The following KIAA1549 variants were observed in gnomAD, a reference collection of about 807,000 sequenced individuals.
KIAA1549 encodes UPF0606 protein KIAA1549.
A neutral mutation model predicts 156.4 loss-of-function variants in KIAA1549; 70 were observed. The ratio of observed to expected loss-of-function variants is 0.45; its 90% CI spans 0.37 to 0.55. The LOEUF (loss-of-function observed/expected upper bound fraction) is 0.55, where lower values mean the gene tolerates loss of function less well. KIAA1549 is among the 20% of genes least tolerant of loss of function. The pLI is 0.00. For missense variants in KIAA1549, 2,428 were observed against 2,540.9 expected (o/e 0.96, Z 0.96); for synonymous variants, 1,103 against 1,066.4 (o/e 1.03, Z -0.67).
intron 18 of KIAA1549, among the ~76,000 whole-genome samples, chr7:138,841,361 C>T (rs1584694707): frequency 6.6e-6 from 1 of 152,132 alleles, no homozygotes; most frequent in Admixed American, 6.5e-5. Flanking sequence ...TAAAACCACT[C>T]CCCCAGCCTC....
intron 12 of KIAA1549, among the ~76,000 whole-genome samples, chr7:138,874,126 A>C (rs1386452109): frequency 2.7e-5 from 4 of 149,484 alleles, no homozygotes; most frequent in African/African-American, 7.3e-5. Flanking sequence ...ATTGTTTGCT[A>C]TGCATTGCAC....
chr7:138,832,191 C>CT lies in KIAA1549; in HGVS notation c.*5714dup, dbSNP rs749938588. The CT allele has an allele frequency of 0.026, 3,715 of 143,494 alleles. 66 individuals are homozygous for CT. Among genetic ancestry groups the CT allele is most frequent in the Middle Eastern group, 0.05 (19 of 380 alleles). The allele number at this position is 143,494 out of a possible 1,614,324, so 8.9% of individuals were successfully genotyped here. A position where few individuals can be genotyped will look rare whatever the true frequency, so the allele number is the denominator to read the frequency against. On this transcript the variant is annotated 3_prime_UTR_variant, in exon 20 of 20. Coordinates refer to ENST00000422774, the MANE Select transcript of KIAA1549 (RefSeq NM_001164665.2). ...TCACCTCTGTCCCTTTTACCTATTC[C>CT]TTTTTTTTTTTTTTTTTTTTCCAGA... is the stretch of plus-strand genomic sequence containing the variant.
chr7:138,842,601 G>A (rs1490658937), intron 18 of KIAA1549, among the ~76,000 whole-genome samples: 1 of 151,714 alleles, frequency 6.6e-6, no homozygotes, highest in Admixed American at 6.6e-5. Context: ...GTTGAGGCAG[G>A]AGAATCGCTT....
Position 138,918,585 on chromosome 7 carries a change from T to C in KIAA1549, c.1041A>G (p.Ala347=), listed in dbSNP as rs766489779. The C allele has an allele frequency of 1.9e-6, 3 of 1,613,926 alleles. No homozygotes were observed. Among genetic ancestry groups the C allele is most frequent in the East Asian group, 2.2e-5 (1 of 44,898 alleles). Reference sequence around the variant, plus strand: ...TGCTGAATGCAAGGGCTGCGTGCGATGCAGTCACAGTGGGGTATGTTCTTG... The same window carrying C: ...TGCTGAATGCAAGGGCTGCGTGCGACGCAGTCACAGTGGGGTATGTTCTTG... ...ISPRTYPTVT[A]SHAALAFSRT... Residue 347 remains alanine, a synonymous_variant, in exon 2 of 20, where the codon GCA becomes GCG. Coordinates refer to ENST00000422774, the MANE Select transcript of KIAA1549 (RefSeq NM_001164665.2). This position sits in a 1 kb window ranked among gnomAD's most constrained non-coding sequence, Gnocchi z 4.2.
rs537079163 is a variant in KIAA1549, at chr7:138,852,845, G to A, written c.5248-576C>T. 3.1e-4 allele frequency among the ~76,000 whole-genome samples: 47 copies of A among 152,348 alleles called. 2 individuals are homozygous for A. The South Asian group carries it at 6.2e-3, about 20-fold the overall frequency. ...AAGGCAGCACGTTCTGTTTCTGACC[G>A]TTTACTGGTCCCCAGGAGACCCGGC... On this transcript the variant is annotated intron_variant, in intron 16 of 19. Coordinates refer to ENST00000422774, the MANE Select transcript of KIAA1549 (RefSeq NM_001164665.2).
At chr7:138,899,574 C>T (rs1811783696) in intron 8 of KIAA1549, among the ~76,000 whole-genome samples, 1 of 152,186 alleles carries the variant, frequency 6.6e-6, no homozygotes, top group African/African-American at 2.4e-5. Flanking sequence ...GGTATTTCCT[C>T]CTCATTCTGC....
At chr7:138,859,488 T>C (rs778916581) in intron 16 of KIAA1549, among the ~76,000 whole-genome samples, 1 of 152,154 alleles carries the variant, frequency 6.6e-6, no homozygotes, top group Non-Finnish European at 1.5e-5. Flanking sequence ...TGATCAGTAC[T>C]CAAACAAAGA....
intron 6 of KIAA1549, among the ~76,000 whole-genome samples, chr7:138,906,521 T>C (rs1667650227): frequency 6.6e-6 from 1 of 152,158 alleles, no homozygotes; most frequent in Admixed American, 6.5e-5. Context: ...AAAACTCAAG[T>C]CTTTTACTAT....
intron 10 of KIAA1549, among the ~76,000 whole-genome samples, chr7:138,882,851 G>A (rs192987853): frequency 1.4e-4 from 21 of 151,882 alleles, no homozygotes; most frequent in African/African-American, 3.1e-4. Context: ...CCTCTCCAGG[G>A]ATACAAGCAT....
At chr7:138,877,928 C>T (rs770755043) in intron 12 of KIAA1549, among the ~76,000 whole-genome samples, 4 of 152,132 alleles carry the variant, frequency 2.6e-5, no homozygotes, top group Non-Finnish European at 4.4e-5. Context: ...TAAATGCAGG[C>T]ACTGAAAGTA....
rs1352617123 is a variant in KIAA1549, at chr7:138,918,905, C to G, written c.721G>C (p.Gly241Arg). ...TFRSAFRTSE[G>R]IVPTPGRNLV... is the part of the protein sequence containing the mutation. ...TTCCTGCCAGGAGTTGGAACGATGCCCTCAGAGGTGCGAAAAGCTGACCGA... is the reference window on the plus strand; with the variant it reads ...TTCCTGCCAGGAGTTGGAACGATGCGCTCAGAGGTGCGAAAAGCTGACCGA... The change falls in exon 2 of 20, where the codon GGC becomes CGC. Residue 241 changes from glycine to arginine, a missense_variant. Physicochemically the swap from Gly to Arg is moderately radical, Grantham distance 125. Transcript: ENST00000422774. This position sits in a 1 kb window ranked among gnomAD's most constrained non-coding sequence, Gnocchi z 4.2. The G allele has an allele frequency of 1.2e-6, 2 of 1,613,960 alleles. No homozygotes were observed. The highest frequency in any genetic ancestry group is 1.7e-6 in the Non-Finnish European group (2 of 1,179,896).
At chr7:138,880,885 G>A (rs1267368330) in intron 11 of KIAA1549, among the ~76,000 whole-genome samples, 2 of 152,210 alleles carry the variant, frequency 1.3e-5, no homozygotes, top group African/African-American at 4.8e-5. Flanking sequence ...ACATACATAA[G>A]CAGCCAGAGA....
In KIAA1549 at chr7:138,867,546, C is replaced by A. The variant is rs576680477; in HGVS notation, c.4929+429G>T. ...CTCCAGCCTGGGCAACAGAGTAAGA[C>A]CCTGTCCCAAAAAAAAAAAATAATA... On this transcript the variant is annotated intron_variant, in intron 15 of 19. Coordinates refer to ENST00000422774, the MANE Select transcript of KIAA1549 (RefSeq NM_001164665.2). 5.9e-5 allele frequency among the ~76,000 whole-genome samples: 8 copies of A among 136,236 alleles called. No individual in the cohort carries two copies. In the East Asian group the frequency reaches 1.6e-3, roughly 28 times the overall value. The allele number at this position is 136,236 out of a possible 152,430, so 89.4% of individuals were successfully genotyped here. A position where few individuals can be genotyped will look rare whatever the true frequency, so the allele number is the denominator to read the frequency against.
At chr7:138,847,212 T>C (rs1810103670) in intron 17 of KIAA1549, among the ~76,000 whole-genome samples, 3 of 152,200 alleles carry the variant, frequency 2.0e-5, no homozygotes, top group Admixed American at 2.0e-4. Context: ...AGTGGGTGAT[T>C]ATACAATTTA....
rs146930653 is a variant in KIAA1549 at position 138,879,626 on chromosome 7, C to G, written c.4257G>C (p.Thr1419=). Residue 1419 remains threonine (T), a synonymous_variant, in exon 12 of 20, where the codon ACG becomes ACC. Coordinates refer to ENST00000422774, the MANE Select transcript of KIAA1549 (RefSeq NM_001164665.2). The stretch of plus-strand genomic sequence containing the variant: ...CCCTCTCGCTGGACTCTTCACTGAC[C>G]GTAGAGTCAGCATCTGAGGGAGAAA... ...GRVSPSDADS[T]VSEESSERDA... is the part of the protein sequence containing the mutation. The G allele has an allele frequency of 3.1e-4, 490 of 1,556,224 alleles. 2 individuals are homozygous for G. In the African/African-American group the frequency reaches 5.8e-3, roughly 19 times the overall value.
chr7:138,981,067 T>C lies in KIAA1549; in HGVS notation c.187+16A>G. On this transcript the variant is annotated intron_variant, in intron 1 of 19. Transcript: ENST00000422774. This position sits in a 1 kb window ranked among gnomAD's most constrained non-coding sequence, Gnocchi z 4.5. ...CGGGGTCGCGGCCGCGTTCCGAGGGTCTCGGCGGAGCTTACCTGGGGCGCA... is the reference window on the plus strand; with the variant it reads ...CGGGGTCGCGGCCGCGTTCCGAGGGCCTCGGCGGAGCTTACCTGGGGCGCA... 6.5e-6 allele frequency: 8 copies of C among 1,223,768 alleles called. No individual in the cohort carries two copies. Among genetic ancestry groups the C allele is most frequent in the Non-Finnish European group, 8.1e-6 (8 of 982,236 alleles). The allele number at this position is 1,223,768 out of a possible 1,614,324, so 75.8% of individuals were successfully genotyped here. A position where few individuals can be genotyped will look rare whatever the true frequency, so the allele number is the denominator to read the frequency against.
rs1024638966 is a variant in KIAA1549 at position 138,840,369 on chromosome 7, G to C, written c.5453-91C>G. 3.2e-5 allele frequency: 37 copies of C among 1,140,316 alleles called. No homozygotes were observed. In the African/African-American group the frequency reaches 5.4e-4, roughly 17 times the overall value. The allele number at this position is 1,140,316 out of a possible 1,614,324, so 70.6% of individuals were successfully genotyped here. ...TGCCGAGGAAGACACTGTCAACTCT[G>C]ACCACTACACTCCTTAATGACAAGG... On this transcript the variant is annotated intron_variant, in intron 18 of 19. Coordinates refer to ENST00000422774, the MANE Select transcript of KIAA1549 (RefSeq NM_001164665.2).
chr7:138,842,490 C>T lies in KIAA1549; in HGVS notation c.5452+1827G>A, dbSNP rs1211160175. On this transcript the variant is annotated intron_variant, in intron 18 of 19. Coordinates refer to ENST00000422774, the MANE Select transcript of KIAA1549 (RefSeq NM_001164665.2). ...TCACCTGAGGTCAGGAGTTCACGAC[C>T]AGCCTAGCCAACATGGTGAAACCCT... Among the ~76,000 whole-genome samples, 13 of 152,180 alleles carry T rather than the reference C, an allele frequency of 8.5e-5. 1 individual carries two copies. The highest frequency in any genetic ancestry group is 3.2e-3 in the Middle Eastern group (1 of 316).
At chr7:138,952,082 ACG>A (rs1485238674) in intron 1 of KIAA1549, among the ~76,000 whole-genome samples, 2 of 152,214 alleles carry the variant, frequency 1.3e-5, no homozygotes, top group East Asian at 3.8e-4. Context: ...GGGTGAACGC[ACG>A]GAAGGCACTA....
Sources: gnomAD v4.1 joint callset for allele counts (sites outside exome capture counted in the v4.1 genomes callset) on GRCh38, gnomAD v4.1.1 for gene constraint, Gnocchi (gnomAD v3.1) non-coding constraint, MANE v1.5 for transcripts, NCBI Gene and HGNC (gene_info 2026-07-23, HGNC 2026-07-21) for gene names.